Variants in MAGI2 observed in about 807,000 individuals in gnomAD.
The protein encoded by MAGI2 is membrane-associated guanylate kinase, WW and PDZ domain-containing protein 2.
In MAGI2, 35 loss-of-function variants were observed where a neutral mutation model predicts 133.3. That is an observed-to-expected ratio of 0.26 (90% CI 0.20 to 0.35). MAGI2 has a LOEUF of 0.35. MAGI2 is among the 10% of genes least tolerant of loss of function. MAGI2 has a pLI of 1.00. For missense variants in MAGI2, 1,636 were observed against 1,863.4 expected (o/e 0.88, Z 2.25); for synonymous variants, 729 against 710.6 (o/e 1.03, Z -0.41).
At position 78,407,063 on chromosome 7, in the gene MAGI2, T is replaced by C. The variant is rs899284515; in HGVS notation, c.1046-37850A>G. Among the ~76,000 whole-genome samples, 14 of 152,208 alleles carry C rather than the reference T, an allele frequency of 9.2e-5. 1 individual carries two copies. The highest frequency in any genetic ancestry group is 8.3e-4 in the South Asian group (4 of 4,832). On this transcript the variant is annotated intron_variant, in intron 6 of 21. Transcript: ENST00000354212. ...GATCCAGAAATATGTGTTTTATACA[T>C]TGATTTTACAAACACACTTTCAGAA...
rs555992607 is a variant in MAGI2, at chr7:78,601,656, C to T, written c.538+25464G>A. Among the ~76,000 whole-genome samples, 184 of 151,976 alleles carry T rather than the reference C, an allele frequency of 1.2e-3. 2 individuals are homozygous for T. Among genetic ancestry groups the T allele is most frequent in the South Asian group, 0.012 (57 of 4,808 alleles). On this transcript the variant is annotated intron_variant, in intron 3 of 21. Transcript: ENST00000354212. ...GAATTTGTGAGCTTTGTGGGTAATTCGATGGCTCAATGTTTTGGGCAAGGA... is the reference window on the plus strand; with the variant it reads ...GAATTTGTGAGCTTTGTGGGTAATTTGATGGCTCAATGTTTTGGGCAAGGA...
At chr7:78,201,964 A>G (rs561740511) in intron 10 of MAGI2, among the ~76,000 whole-genome samples, 30 of 152,356 alleles carry the variant, frequency 2.0e-4, no homozygotes, top group African/African-American at 7.0e-4. Flanking sequence ...ATATTATTTT[A>G]GCATATGAAA....
At chr7:79,038,374 A>T (rs887900632) in intron 1 of MAGI2, among the ~76,000 whole-genome samples, 23 of 152,090 alleles carry the variant, frequency 1.5e-4, no homozygotes, top group Non-Finnish European at 2.6e-4. Flanking sequence ...GATTACAAAA[A>T]ATTTTGTGTT....
chr7:78,415,510 G>T (rs557317802), intron 6 of MAGI2, among the ~76,000 whole-genome samples: 1 of 152,076 alleles, frequency 6.6e-6, no homozygotes, highest in African/African-American at 2.4e-5. Context: ...ATGCCCCCAG[G>T]TCAAAATAAT....
At chr7:79,299,540 G>C (rs1306390348) in intron 1 of MAGI2, among the ~76,000 whole-genome samples, 1 of 69,790 alleles carries the variant, frequency 1.4e-5, no homozygotes, top group African/African-American at 6.4e-5. Flanking sequence ...TGGAGACAGA[G>C]CAAGACTCCA....
intron 9 of MAGI2, among the ~76,000 whole-genome samples, chr7:78,328,252 AC>A (rs1788787391): frequency 6.6e-6 from 1 of 152,052 alleles, no homozygotes. Flanking sequence ...TCAAGGACTT[AC>A]GCCTTGATGA....
At chr7:78,091,660 A>G (rs1389379927) in intron 20 of MAGI2, among the ~76,000 whole-genome samples, 1 of 152,158 alleles carries the variant, frequency 6.6e-6, no homozygotes, top group African/African-American at 2.4e-5. Context: ...AAATAACAAG[A>G]CCAGTTGCAG....
chr7:79,414,763 G>A (rs1846385598), intron 1 of MAGI2: 1 of 152,096 alleles, frequency 6.6e-6, no homozygotes, highest in Admixed American at 6.6e-5. Flanking sequence ...GAGTTGTGGG[G>A]AATACAAAAC....
intron 3 of MAGI2, among the ~76,000 whole-genome samples, chr7:78,535,806 C>A (rs567925372): frequency 6.6e-6 from 1 of 152,092 alleles, no homozygotes; most frequent in South Asian, 2.1e-4. Context: ...TTTTGCAGAC[C>A]CTGCATTTCA....
chr7:79,403,085 A>G (rs1330853191), intron 1 of MAGI2, among the ~76,000 whole-genome samples: 1 of 152,192 alleles, frequency 6.6e-6, no homozygotes, highest in African/African-American at 2.4e-5. Flanking sequence ...ACACTCACTC[A>G]TCTGTACATA....
intron 2 of MAGI2, among the ~76,000 whole-genome samples, chr7:78,762,032 A>G (rs916454410): frequency 3.9e-5 from 6 of 152,150 alleles, no homozygotes; most frequent in Non-Finnish European, 7.4e-5. Context: ...ATTTAGCCCA[A>G]TTTTCTTTCA....
intron 4 of MAGI2, among the ~76,000 whole-genome samples, chr7:78,512,482 T>C (rs1240847529): frequency 6.6e-6 from 1 of 152,190 alleles, no homozygotes; most frequent in African/African-American, 2.4e-5. Context: ...CTCAGCTCAC[T>C]GCAACCTCCG....
intron 2 of MAGI2, among the ~76,000 whole-genome samples, chr7:78,922,276 T>C (rs2151636656): frequency 6.6e-6 from 1 of 152,044 alleles, no homozygotes; most frequent in South Asian, 2.1e-4. Flanking sequence ...TGTGCCATGC[T>C]GGTGTGCTGC....
rs540297589 is a variant in MAGI2, at chr7:78,768,343, C to T, written c.419-141104G>A. ...TGTTCTACTATAATTGCATCAATTTCCCCAAAGCACACCATGTACCATAGT... is the reference window on the plus strand; with the variant it reads ...TGTTCTACTATAATTGCATCAATTTTCCCAAAGCACACCATGTACCATAGT... On this transcript the variant is annotated intron_variant, in intron 2 of 21. Coordinates refer to ENST00000354212, the MANE Select transcript of MAGI2 (RefSeq NM_012301.4). Among the ~76,000 whole-genome samples the T allele has an allele frequency of 9.0e-3, 1,372 of 152,300 alleles. 7 individuals are homozygous for T. The highest frequency in any genetic ancestry group is 0.015 in the Non-Finnish European group (1,019 of 68,026).
intron 6 of MAGI2, among the ~76,000 whole-genome samples, chr7:78,408,668 C>T (rs1256688237): frequency 6.6e-6 from 1 of 151,970 alleles, no homozygotes; most frequent in African/African-American, 2.4e-5. Context: ...TGAAAGGTAG[C>T]TGGTTTAAAT....
At chr7:78,227,900 C>T (rs1161872808) in intron 10 of MAGI2, among the ~76,000 whole-genome samples, 1 of 122,378 alleles carries the variant, frequency 8.2e-6, no homozygotes, top group South Asian at 2.4e-4. Context: ...CCCTTAGAAG[C>T]ATCATTGGTT....
intron 1 of MAGI2, among the ~76,000 whole-genome samples, chr7:79,060,456 C>G (rs1221133227): frequency 1.3e-5 from 2 of 151,828 alleles, no homozygotes; most frequent in African/African-American, 4.8e-5. Flanking sequence ...CTAGTTAGGT[C>G]AATCAGATAG....
chr7:79,130,912 CAT>C (rs1169948742), intron 1 of MAGI2, among the ~76,000 whole-genome samples: 1 of 151,952 alleles, frequency 6.6e-6, no homozygotes, highest in African/African-American at 2.4e-5. Flanking sequence ...TTCATTCATT[CAT>C]TCATTCATTC....
At chr7:79,136,113 GA>G (rs1562929493) in intron 1 of MAGI2, among the ~76,000 whole-genome samples, 8 of 150,068 alleles carry the variant, frequency 5.3e-5, no homozygotes, top group Admixed American at 2.0e-4. Context: ...AAGAAAGAAA[GA>G]AAGAAAGAAA....
Sources: gnomAD v4.1 joint callset for allele counts (sites outside exome capture counted in the v4.1 genomes callset) on GRCh38, gnomAD v4.1.1 for gene constraint, MANE v1.5 for transcripts, NCBI Gene and HGNC (gene_info 2026-07-23, HGNC 2026-07-21) for gene names.